The following DRC1 variants were observed in gnomAD, a reference collection of about 807,000 sequenced individuals.
The protein encoded by DRC1 is dynein regulatory complex subunit 1.
In DRC1, 74 loss-of-function variants were observed where a neutral mutation model predicts 98.7. That is an observed-to-expected ratio of 0.75 (90% CI 0.62 to 0.91). The LOEUF is 0.91. DRC1 is among the 40% of genes least tolerant of loss of function. The pLI, the probability that DRC1 is intolerant of heterozygous loss-of-function variation, is 0.00. For synonymous variants in DRC1, 336 were observed against 334.1 expected, an observed-to-expected ratio of 1.01 and a Z score of -0.06; for missense variants, 875 against 886.0, an observed-to-expected ratio of 0.99 and a Z score of 0.16.
intron 1 of DRC1, among the ~76,000 whole-genome samples, chr2:26,408,601 C>T (rs914380311): frequency 1.5e-4 from 23 of 151,996 alleles, no homozygotes; most frequent in African/African-American, 4.1e-4. Flanking sequence ...GGTAAAACCC[C>T]GTCTCTACTA....
chr2:26,430,592 T>C, intron 5 of DRC1, 194 bp from the exon 6 acceptor site: 1 of 696,554 alleles, frequency 1.4e-6, no homozygotes, highest in Non-Finnish European at 2.7e-6. Context: ...GAGTATCGTC[T>C]TCATAATGCT....
At position 26,454,580 on chromosome 2, in the gene DRC1, C is replaced by T. The variant is rs1299435998; in HGVS notation, c.1920-67C>T. ...AGGTGGGAAAGCAGTAGGCCTGTGA[C>T]TGGCACTGCCTGGGGGCCTGGGTAG... is the stretch of plus-strand genomic sequence containing the variant. On this transcript the variant is annotated intron_variant, in intron 14 of 16. Transcript: ENST00000288710. This position sits in a 1 kb window ranked among gnomAD's most constrained non-coding sequence, Gnocchi z 5.2. 2 of 1,588,342 alleles carry T rather than the reference C, an allele frequency of 1.3e-6. No individual in the cohort carries two copies. Among genetic ancestry groups the T allele is most frequent in the Non-Finnish European group, 1.7e-6 (2 of 1,164,946 alleles).
At chr2:26,435,454 T>G (rs1210921989) in intron 7 of DRC1, among the ~76,000 whole-genome samples, 1 of 152,232 alleles carries the variant, frequency 6.6e-6, no homozygotes, top group East Asian at 1.9e-4. Flanking sequence ...AGGGTACATG[T>G]GCAGGTTTGT....
Position 26,444,345 on chromosome 2 carries a change from G to A in DRC1, c.1152G>A (p.Gln384=). 6.2e-7 allele frequency: 1 copy of A among 1,614,070 alleles called. No individual in the cohort carries two copies. The change falls in exon 9 of 17, where the codon CAG becomes CAA. Residue 384 remains glutamine, a synonymous_variant. Coordinates refer to ENST00000288710, the MANE Select transcript of DRC1 (RefSeq NM_145038.5). ...KRLVMQFKEL[Q]KAMRHFALID... is the part of the protein sequence containing the mutation. ...TTGTGATGCAATTCAAGGAGCTACA[G>A]AAAGCCATGAGGTATCTTAAGGACT...
At chr2:26,438,500 T>G (rs994455455) in intron 7 of DRC1, among the ~76,000 whole-genome samples, 5 of 152,212 alleles carry the variant, frequency 3.3e-5, no homozygotes, top group African/African-American at 1.2e-4. Flanking sequence ...GGTTCTTCAT[T>G]TACCATCTGT....
chr2:26,410,557 C>A lies in DRC1; in HGVS notation c.156-3787C>A, dbSNP rs561933373. Among the ~76,000 whole-genome samples, 3 of 152,254 alleles carry A rather than the reference C, an allele frequency of 2.0e-5. No individual in the cohort carries two copies. The South Asian group carries it at 6.2e-4, about 32-fold the overall frequency. ...AAAGTGCTGGGATTACAGGCATGAG[C>A]CACTGCACCCAGCCAGAGAAAAATA... On this transcript the variant is annotated intron_variant, in intron 1 of 16. Transcript: ENST00000288710.
Position 26,456,679 on chromosome 2 carries a change from G to A in DRC1, c.*162G>A, listed in dbSNP as rs1175137098. ...ATAAGGAGCCAGAGGAGTTACCTGT[G>A]TCCTGCATTATGATTAAAGCCTTTT... On this transcript the variant is annotated 3_prime_UTR_variant, in exon 17 of 17. Transcript: ENST00000288710. The A allele has an allele frequency of 2.3e-5, 17 of 738,130 alleles. No homozygotes were observed. The highest frequency in any genetic ancestry group is 3.8e-5 in the Non-Finnish European group (17 of 449,926). The allele number at this position is 738,130 out of a possible 1,614,324, so 45.7% of individuals were successfully genotyped here.
rs1412895965 is a variant in DRC1, at chr2:26,415,853, A to G, written c.243+1422A>G. Among the ~76,000 whole-genome samples, 3 of 149,890 alleles carry G rather than the reference A, an allele frequency of 2.0e-5. No homozygotes were observed. In the Admixed American group the frequency reaches 2.0e-4, roughly 10 times the overall value. ...AGGCTGAGGCAGGAGGATTCCTTGA[A>G]CCCACGAGGTGGAGGTTGCAGTGAT... On this transcript the variant is annotated intron_variant, in intron 2 of 16. Coordinates refer to ENST00000288710, the MANE Select transcript of DRC1 (RefSeq NM_145038.5).
intron 7 of DRC1, among the ~76,000 whole-genome samples, chr2:26,437,068 T>C (rs1264318976): frequency 6.6e-6 from 1 of 152,240 alleles, no homozygotes; most frequent in African/African-American, 2.4e-5. Flanking sequence ...GTATTTGGTT[T>C]GTGTTCTGAT....
intron 10 of DRC1, 55 bp downstream of exon 10, chr2:26,445,003 C>T (rs1402188866): frequency 1.7e-5 from 26 of 1,560,854 alleles, no homozygotes; most frequent in South Asian, 4.7e-5. Flanking sequence ...CTGAGAACAT[C>T]GGGTCAAGCC....
At chr2:26,407,077 C>T (rs1005368706) in intron 1 of DRC1, among the ~76,000 whole-genome samples, 11 of 151,914 alleles carry the variant, frequency 7.2e-5, no homozygotes, top group African/African-American at 2.2e-4. Flanking sequence ...ACCTTAGCCT[C>T]GAAAAGTGCT....
At chr2:26,446,718 G>A (rs555098879) in intron 10 of DRC1, among the ~76,000 whole-genome samples, 1 of 152,110 alleles carries the variant, frequency 6.6e-6, no homozygotes, top group African/African-American at 2.4e-5. Flanking sequence ...GATTACTAAA[G>A]ACAGTTTACA....
In DRC1 at chr2:26,418,620, AATATAAATTATATAT is replaced by A. The variant is rs1558438095; in HGVS notation, c.244-2666_244-2652del. Among the ~76,000 whole-genome samples, 29 of 89,438 alleles carry A rather than the reference AATATAAATTATATAT, an allele frequency of 3.2e-4. 1 individual carries two copies. Among genetic ancestry groups the A allele is most frequent in the Non-Finnish European group, 5.1e-4 (27 of 52,956 alleles). 58.7% of individuals were successfully genotyped at this position (89,438 alleles called of 152,430 possible). On this transcript the variant is annotated intron_variant, in intron 2 of 16. Coordinates refer to ENST00000288710, the MANE Select transcript of DRC1 (RefSeq NM_145038.5). ...TTTATATAATATATAAATTATATAT[AATATAAATTATATAT>A]AATTTATATAATATATAAATTATAT...
Position 26,429,705 on chromosome 2 carries a change from G to T in DRC1, c.618G>T (p.Arg206=). The change falls in exon 5 of 17, where the codon CGG becomes CGT. Residue 206 remains arginine (R), a synonymous_variant. Transcript: ENST00000288710. ...ATGACATCTGCCTGCTTCTGGAGCG[G>T]ATGGAAGAACAGGTGAAGAATGTGA... ...QSDDICLLLE[R]MEEQVKNVMK... is the part of the protein sequence containing the mutation. 6.2e-7 allele frequency: 1 copy of T among 1,614,180 alleles called. No homozygotes were observed. Among genetic ancestry groups the T allele is most frequent in the South Asian group, 1.1e-5 (1 of 91,080 alleles).
chr2:26,407,617 G>A (rs899701576), intron 1 of DRC1, among the ~76,000 whole-genome samples: 1 of 151,974 alleles, frequency 6.6e-6, no homozygotes, highest in Non-Finnish European at 1.5e-5. Flanking sequence ...GATGACAAAA[G>A]GCCAGAAGAC....
chr2:26,429,053 T>C (rs1235998882), intron 4 of DRC1, among the ~76,000 whole-genome samples: 1 of 152,118 alleles, frequency 6.6e-6, no homozygotes, highest in Non-Finnish European at 1.5e-5. Context: ...CAGCAGGTGA[T>C]AACATTGAGG....
chr2:26,453,230 A>G (rs1664052062), intron 13 of DRC1, 90 bp from the exon 14 acceptor site: 1 of 1,503,850 alleles, frequency 6.6e-7, no homozygotes, highest in Admixed American at 2.0e-5. Context: ...ACTTTCTGTA[A>G]ACTTTTCTGG....
At chr2:26,410,245 ATAT>A (rs10573963) in intron 1 of DRC1, among the ~76,000 whole-genome samples, 22,618 of 142,862 alleles carry the variant, frequency 0.16, 2,320 homozygotes, top group East Asian at 0.48. Context: ...TATAGAGAAA[ATAT>A]TATTATTATT....
At chr2:26,418,662 T>A (rs1204466544) in intron 2 of DRC1, among the ~76,000 whole-genome samples, 7 of 89,848 alleles carry the variant, frequency 7.8e-5, no homozygotes, top group East Asian at 2.6e-4. Context: ...AAATTATATA[T>A]TATATAAATT....
Sources: allele counts gnomAD v4.1 joint callset (sites outside exome capture counted in the v4.1 genomes callset), GRCh38; gene constraint gnomAD v4.1.1; non-coding constraint Gnocchi (gnomAD v3.1); transcripts MANE v1.5; gene names NCBI Gene and HGNC (gene_info 2026-07-23, HGNC 2026-07-21).